Variants in SERPINB12 observed in about 807,000 individuals in gnomAD.
SERPINB12 encodes the protein serpin B12.
A neutral mutation model predicts 41.1 loss-of-function variants in SERPINB12; 57 were observed. The observed-to-expected ratio is 1.39, with a 90% CI of 1.12 to 1.73. The LOEUF (loss-of-function observed/expected upper bound fraction) is 1.73, where lower values mean the gene tolerates loss of function less well. SERPINB12 is among the 40% of genes most tolerant of loss of function. The pLI is 0.00. For synonymous variants in SERPINB12, 180 were observed against 181.3 expected (o/e 0.99, Z 0.06); for missense variants, 536 against 501.9 (o/e 1.07, Z -0.65).
chr18:63,563,576 T>C (rs537304411), intron 5 of SERPINB12, among the ~76,000 whole-genome samples: 67 of 152,284 alleles, frequency 4.4e-4, no homozygotes, highest in African/African-American at 1.6e-3. Context: ...AGACACTCCC[T>C]AGTCTTGGGG....
intron 7 of SERPINB12, among the ~76,000 whole-genome samples, chr18:63,565,841 C>G (rs538659022): frequency 2.0e-5 from 3 of 152,326 alleles, no homozygotes; most frequent in African/African-American, 7.2e-5. Context: ...TCTCATAGCT[C>G]TCTGCCACTG....
chr18:63,547,352 A>G (rs1247857470), intron 1 of SERPINB12, among the ~76,000 whole-genome samples: 1 of 151,542 alleles, frequency 6.6e-6, no homozygotes, highest in Non-Finnish European at 1.5e-5. Flanking sequence ...AAACAATGTG[A>G]GTTAGATTTT....
chr18:63,561,752 A>G (rs1910918560), intron 5 of SERPINB12, among the ~76,000 whole-genome samples: 1 of 152,214 alleles, frequency 6.6e-6, no homozygotes, highest in African/African-American at 2.4e-5. Context: ...ACATGATGGA[A>G]ATGGAGGCCA....
the SERPINB12 span, among the ~76,000 whole-genome samples, chr18:63,531,717 C>G: frequency 3.3e-5 from 5 of 152,018 alleles, no homozygotes; most frequent in African/African-American, 1.2e-4. Flanking sequence ...CATCTTATAC[C>G]TAGTCCTAAT....
At position 63,556,164 on chromosome 18, in the gene SERPINB12, ACT is replaced by A; in HGVS notation, c.10_11del (p.Leu4CysfsTer10). 1 of 1,612,124 alleles carries A rather than the reference ACT, an allele frequency of 6.2e-7. No individual in the cohort carries two copies. Among genetic ancestry groups the A allele is most frequent in the Non-Finnish European group, 8.5e-7 (1 of 1,179,058 alleles). ...TAGATCGTTATAAGTTTTACAATGG[ACT>A]CTCTTGTTACAGCAAACACCAAATT... On this transcript the variant is annotated frameshift_variant, in exon 2 of 8. Transcript: ENST00000382768. LOFTEE classifies it high-confidence loss of function.
intron 1 of SERPINB12, among the ~76,000 whole-genome samples, chr18:63,551,304 A>G (rs955746215): frequency 2.0e-5 from 3 of 152,074 alleles, no homozygotes; most frequent in Admixed American, 6.5e-5. Context: ...AAACAAAAAA[A>G]AGAAAGTTTT....
chr18:63,560,363 G>A (rs1462423114), intron 4 of SERPINB12, among the ~76,000 whole-genome samples: 1 of 152,200 alleles, frequency 6.6e-6, no homozygotes, highest in Non-Finnish European at 1.5e-5. Flanking sequence ...GACGTGACAT[G>A]GTTGGTTAGA....
At chr18:63,541,165 A>G (rs77627143), upstream of SERPINB12, among the ~76,000 whole-genome samples, 6,696 of 152,262 alleles carry the variant, frequency 0.044, 219 homozygotes, top group Middle Eastern at 0.092. Flanking sequence ...TGTGGGTTAA[A>G]GCTGGTTCAT....
At chr18:63,520,916 G>T in the SERPINB12 span, among the ~76,000 whole-genome samples, 2 of 152,212 alleles carry the variant, frequency 1.3e-5, no homozygotes, top group African/African-American at 4.8e-5. Flanking sequence ...AGGAATATGT[G>T]CATCATAGTA....
intron 7 of SERPINB12, 147 bp from the exon 8 acceptor site, chr18:63,566,460 A>C: frequency 1.4e-6 from 1 of 727,686 alleles, no homozygotes; most frequent in Non-Finnish European, 2.3e-6. Flanking sequence ...TTGAAGTTTT[A>C]AATGAAATCA....
chr18:63,523,055 T>C, the SERPINB12 span, among the ~76,000 whole-genome samples: 51 of 152,312 alleles, frequency 3.3e-4, no homozygotes, highest in African/African-American at 1.2e-3. Flanking sequence ...CATAAAACTT[T>C]GAGATGTTCC....
chr18:63,560,642 G>T (rs2144342944), intron 4 of SERPINB12, among the ~76,000 whole-genome samples: 1 of 152,176 alleles, frequency 6.6e-6, no homozygotes, highest in East Asian at 1.9e-4. Flanking sequence ...TCACAATGTT[G>T]TGTAACCATC....
chr18:63,545,843 C>A (rs553153819), intron 1 of SERPINB12, among the ~76,000 whole-genome samples: 2 of 152,000 alleles, frequency 1.3e-5, no homozygotes, highest in African/African-American at 4.8e-5. Flanking sequence ...AAATCATAAC[C>A]AATGACTAGA....
At chr18:63,521,799 C>G in the SERPINB12 span, among the ~76,000 whole-genome samples, 15 of 152,146 alleles carry the variant, frequency 9.9e-5, no homozygotes, top group Non-Finnish European at 1.0e-4. Flanking sequence ...TTTGGTGTGA[C>G]CCATACATCA....
Position 63,557,220 on chromosome 18 carries a change from T to G in SERPINB12, c.168+893T>G, listed in dbSNP as rs770874284. On this transcript the variant is annotated intron_variant, in intron 2 of 7. Transcript: ENST00000382768. ...GGCCTTTGCTCTCGGTCCCTTTGCC[T>G]GATGGCTCTTTCCCCTGGTAACTGA... is the stretch of plus-strand genomic sequence containing the variant. 5.3e-4 allele frequency among the ~76,000 whole-genome samples: 81 copies of G among 152,278 alleles called. 1 individual carries two copies. The highest frequency in any genetic ancestry group is 1.0e-3 in the Non-Finnish European group (69 of 68,024).
At chr18:63,543,828 G>T (rs1326396282) in intron 1 of SERPINB12, among the ~76,000 whole-genome samples, 4 of 152,126 alleles carry the variant, frequency 2.6e-5, no homozygotes, top group Non-Finnish European at 4.4e-5. Flanking sequence ...TGTTGGCCAG[G>T]CTGGTCTTGA....
chr18:63,530,600 G>A, the SERPINB12 span, among the ~76,000 whole-genome samples: 1 of 152,208 alleles, frequency 6.6e-6, no homozygotes, highest in Non-Finnish European at 1.5e-5. Context: ...CTGCCTTGAA[G>A]AGATATCTTA....
At chr18:63,526,543 CTG>C in the SERPINB12 span, among the ~76,000 whole-genome samples, 4 of 152,148 alleles carry the variant, frequency 2.6e-5, no homozygotes, top group Admixed American at 6.6e-5. Context: ...ATGACATTAA[CTG>C]TTTTATATTT....
upstream of SERPINB12, among the ~76,000 whole-genome samples, chr18:63,540,388 A>G (rs1910249359): frequency 6.6e-6 from 1 of 152,128 alleles, no homozygotes; most frequent in South Asian, 2.1e-4. Context: ...CTGTAATTCG[A>G]CACCTAGATA....
Sources: gnomAD v4.1 joint callset for allele counts (sites outside exome capture counted in the v4.1 genomes callset) on GRCh38, gnomAD v4.1.1 for gene constraint, MANE v1.5 for transcripts, NCBI Gene and HGNC (gene_info 2026-07-23, HGNC 2026-07-21) for gene names.